The following LONRF2 variants were observed in gnomAD, a reference collection of about 807,000 sequenced individuals.
LONRF2 encodes LON peptidase N-terminal domain and ring finger 2.
LONRF2 carries 35 observed loss-of-function variants against 66.6 expected under a neutral mutation model. The observed-to-expected ratio is 0.53, with a 90% confidence interval of 0.40 to 0.70. The LOEUF is 0.70. Among genes scored for constraint, LONRF2 ranks in the 30% least tolerant of loss-of-function variants. The probability of loss-of-function intolerance (pLI) is 0.00; values close to 1 mark genes in which losing one functional copy is unlikely to be tolerated. For missense variants in LONRF2, 902 were observed against 1,002.1 expected (o/e 0.90, Z 1.35); for synonymous variants, 417 against 418.1 (o/e 1.00, Z 0.03).
chr2:100,294,185 G>C (rs761899768), intron 9 of LONRF2, 44 bp downstream of exon 9: 6 of 1,587,232 alleles, frequency 3.8e-6, no homozygotes, highest in Admixed American at 3.7e-5. Context: ...GACAAACGAT[G>C]CCCTTCATTA....
rs1674710464 is a variant in LONRF2, at chr2:100,281,178, T to A, written c.*3120A>T. The A allele has an allele frequency of 6.6e-6, 1 of 152,362 alleles. No individual in the cohort carries two copies. Among genetic ancestry groups the A allele is most frequent in the South Asian group, 2.1e-4 (1 of 4,824 alleles). 9.4% of individuals were successfully genotyped at this position (152,362 alleles called of 1,614,324 possible). ...ATCATAGTTCATTGTTATTCTACCA[T>A]CCATAAACTTCAACTGTTCCTTGAT... On this transcript the variant is annotated 3_prime_UTR_variant, in exon 12 of 12. Transcript: ENST00000393437.
At chr2:100,299,987 G>A (rs2105725052) in intron 4 of LONRF2, 69 bp from the exon 5 acceptor site, 1 of 685,230 alleles carries the variant, frequency 1.5e-6, no homozygotes. Context: ...AAAGAATGCA[G>A]AAGCCTGTAC....
intron 9 of LONRF2, among the ~76,000 whole-genome samples, chr2:100,293,459 C>A (rs1559176641): frequency 6.6e-6 from 1 of 152,208 alleles, no homozygotes; most frequent in Non-Finnish European, 1.5e-5. Context: ...AGCCCCCTTT[C>A]TCCAGAGTCC....
At chr2:100,298,286 G>A (rs907674512) in intron 7 of LONRF2, among the ~76,000 whole-genome samples, 1 of 152,092 alleles carries the variant, frequency 6.6e-6, no homozygotes, top group African/African-American at 2.4e-5. Context: ...TTATATTGGG[G>A]CTAAATATCA....
intron 9 of LONRF2, among the ~76,000 whole-genome samples, chr2:100,291,878 G>A (rs1674966839): frequency 6.6e-6 from 1 of 152,104 alleles, no homozygotes; most frequent in Non-Finnish European, 1.5e-5. Flanking sequence ...ACGCTACCAC[G>A]TGCCAAGCAC....
intron 6 of LONRF2, 120 bp downstream of exon 6, chr2:100,299,106 A>G: frequency 1.2e-6 from 1 of 861,562 alleles, no homozygotes; most frequent in Non-Finnish European, 1.8e-6. Flanking sequence ...TTAGAAAATA[A>G]ATCAATTATT....
chr2:100,297,264 G>T (rs1675088295), intron 7 of LONRF2, among the ~76,000 whole-genome samples: 1 of 151,872 alleles, frequency 6.6e-6, no homozygotes. Flanking sequence ...GAGCAGCTGG[G>T]ACTACAGGTG....
At chr2:100,290,194 C>T in intron 10 of LONRF2, 64 bp downstream of exon 10, 1 of 1,474,534 alleles carries the variant, frequency 6.8e-7, no homozygotes, top group Non-Finnish European at 9.2e-7. Context: ...CAAAGCTTTT[C>T]CACAATGCAA....
At chr2:100,310,173 C>T (rs989690476) in intron 1 of LONRF2, among the ~76,000 whole-genome samples, 2 of 152,120 alleles carry the variant, frequency 1.3e-5, no homozygotes, top group African/African-American at 4.8e-5. Flanking sequence ...TCTCTTTGAA[C>T]TGACTTGCAG....
At chr2:100,313,125 A>G (rs1451475815) in intron 1 of LONRF2, among the ~76,000 whole-genome samples, 3 of 152,354 alleles carry the variant, frequency 2.0e-5, no homozygotes. Flanking sequence ...CTGTTGTACT[A>G]GGAGCTAGGG....
chr2:100,286,314 G>A (rs1217421560), intron 11 of LONRF2, among the ~76,000 whole-genome samples: 3 of 152,072 alleles, frequency 2.0e-5, no homozygotes, highest in African/African-American at 2.4e-5. Context: ...TCTTAAACCA[G>A]CCCAGCCTGG....
At chr2:100,319,937 C>T (rs1675587040) in intron 1 of LONRF2, among the ~76,000 whole-genome samples, 1 of 152,204 alleles carries the variant, frequency 6.6e-6, no homozygotes, top group Admixed American at 6.5e-5. Context: ...GTCCCATTAG[C>T]AGCATATAAA....
chr2:100,321,542 G>C lies in LONRF2; in HGVS notation c.552C>G (p.Ser184Arg). The C allele has an allele frequency of 6.5e-7, 1 of 1,549,798 alleles. No homozygotes were observed. The highest frequency in any genetic ancestry group is 1.4e-5 in the African/African-American group (1 of 70,472). The change falls in exon 1 of 12, where the codon AGC (serine) becomes AGG (arginine). Residue 184 changes from serine (S) to arginine (R), a missense_variant. This residue lies in a region of LONRF2 where 585 missense variants were observed against 569.9 expected (regional missense o/e 1.03). Coordinates refer to ENST00000393437, the MANE Select transcript of LONRF2 (RefSeq NM_198461.4). ...PQVRRVNVVL[S>R]GLLEKCFPAE... ...CCGGGAAGCACTTCTCCAGCAGGCC[G>C]CTCAGCACCACGTTCACGCGCCGCA...
intron 3 of LONRF2, among the ~76,000 whole-genome samples, chr2:100,302,585 G>A (rs541848801): frequency 1.3e-5 from 2 of 152,244 alleles, no homozygotes; most frequent in Non-Finnish European, 2.9e-5. Flanking sequence ...CTATAGAGCC[G>A]AATTGATACA....
chr2:100,297,057 G>C (rs1278944202), intron 7 of LONRF2, among the ~76,000 whole-genome samples: 1 of 152,012 alleles, frequency 6.6e-6, no homozygotes, highest in African/African-American at 2.4e-5. Flanking sequence ...AGTCTCTGGT[G>C]CATGTGCTAG....
At chr2:100,294,157 T>A in intron 9 of LONRF2, 72 bp downstream of exon 9, 3 of 1,566,280 alleles carry the variant, frequency 1.9e-6, no homozygotes. Flanking sequence ...TCAGCCTAAA[T>A]CATTCTGCAA....
chr2:100,319,300 A>G (rs1675575943), intron 1 of LONRF2, among the ~76,000 whole-genome samples: 1 of 152,190 alleles, frequency 6.6e-6, no homozygotes, highest in South Asian at 2.1e-4. Flanking sequence ...TACATTCTAT[A>G]TAAGTTCTCA....
chr2:100,305,528 C>A (rs1041839081), intron 2 of LONRF2, among the ~76,000 whole-genome samples: 1 of 152,148 alleles, frequency 6.6e-6, no homozygotes, highest in Non-Finnish European at 1.5e-5. Context: ...TTTGAAATAC[C>A]ATGACTGTGC....
At position 100,284,286 on chromosome 2, in the gene LONRF2, C is replaced by A. The variant is rs112257755; in HGVS notation, c.*12G>T. ...GCACAAGGGCTGCCAGAAACCTTGA[C>A]AGAGAGAAAAATCAATTATTTCTCT... On this transcript the variant is annotated 3_prime_UTR_variant, in exon 12 of 12. Coordinates refer to ENST00000393437, the MANE Select transcript of LONRF2 (RefSeq NM_198461.4). 1.1e-5 allele frequency: 17 copies of A among 1,498,778 alleles called. No individual in the cohort carries two copies. In the South Asian group the frequency reaches 1.6e-4, roughly 14 times the overall value. 92.8% of individuals were successfully genotyped at this position (1,498,778 alleles called of 1,614,324 possible).
Sources: allele counts gnomAD v4.1 joint callset (sites outside exome capture counted in the v4.1 genomes callset), GRCh38; gene constraint gnomAD v4.1.1; regional missense constraint gnomAD v4.1.1; transcripts MANE v1.5; gene names NCBI Gene and HGNC (gene_info 2026-07-23, HGNC 2026-07-21).